The following GRIK3 variants were observed in gnomAD, a reference collection of about 807,000 sequenced individuals.
GRIK3 encodes glutamate receptor ionotropic, kainate 3.
Under a neutral mutation model 102.5 loss-of-function variants are expected in GRIK3, and 29 were observed. The ratio of observed to expected loss-of-function variants is 0.28; its 90% CI spans 0.21 to 0.39. The LOEUF (loss-of-function observed/expected upper bound fraction) is 0.39. GRIK3 is among the 10% of genes least tolerant of loss of function. The probability of loss-of-function intolerance (pLI) is 1.00; values close to 1 mark genes in which losing one functional copy is unlikely to be tolerated. For missense variants in GRIK3, 908 were observed against 1,252.4 expected, an observed-to-expected ratio of 0.73 and a Z score of 4.15; for synonymous variants, 511 against 504.9, an observed-to-expected ratio of 1.01 and a Z score of -0.16.
intron 1 of GRIK3, among the ~76,000 whole-genome samples, chr1:37,023,063 T>C (rs1642731918): frequency 6.6e-6 from 1 of 152,134 alleles, no homozygotes; most frequent in Non-Finnish European, 1.5e-5. Context: ...GTGCAGTGGC[T>C]CACGTCTGTA....
intron 1 of GRIK3, among the ~76,000 whole-genome samples, chr1:36,993,795 C>T (rs1309377648): frequency 6.6e-6 from 1 of 152,190 alleles, no homozygotes; most frequent in Admixed American, 6.5e-5. Flanking sequence ...TGGCCCATAT[C>T]GAATAACTGA....
intron 1 of GRIK3, among the ~76,000 whole-genome samples, chr1:37,008,173 A>G (rs915122193): frequency 6.6e-6 from 1 of 152,214 alleles, no homozygotes; most frequent in African/African-American, 2.4e-5. Context: ...TCTCGCAGGA[A>G]AAGCAGAGGC....
intron 1 of GRIK3, among the ~76,000 whole-genome samples, chr1:37,011,506 C>T (rs1017402602): frequency 1.3e-5 from 2 of 152,156 alleles, no homozygotes; most frequent in African/African-American, 4.8e-5. Flanking sequence ...AACTCAAGCA[C>T]AGAGAGGTTA....
chr1:36,903,608 T>C (rs1641254365), intron 1 of GRIK3, among the ~76,000 whole-genome samples: 1 of 152,130 alleles, frequency 6.6e-6, no homozygotes, highest in African/African-American at 2.4e-5. Flanking sequence ...ACTGGCTACA[T>C]CCAGACAATG....
chr1:36,861,189 G>C (rs1195897025), intron 5 of GRIK3, among the ~76,000 whole-genome samples: 2 of 152,194 alleles, frequency 1.3e-5, no homozygotes, highest in African/African-American at 4.8e-5. Context: ...TCCCTCGTTA[G>C]TGAGTTGAAT....
chr1:36,952,204 A>G (rs1368543626), intron 1 of GRIK3, among the ~76,000 whole-genome samples: 1 of 152,196 alleles, frequency 6.6e-6, no homozygotes, highest in Non-Finnish European at 1.5e-5. Context: ...CTCATCCCTC[A>G]AAACCCTACT....
At chr1:36,930,124 T>G (rs1204455486) in intron 1 of GRIK3, among the ~76,000 whole-genome samples, 1 of 152,254 alleles carries the variant, frequency 6.6e-6, no homozygotes, top group Non-Finnish European at 1.5e-5. Context: ...TCCCATTATA[T>G]TTTATTGGTC....
chr1:36,975,340 G>C (rs1008665206), intron 1 of GRIK3, among the ~76,000 whole-genome samples: 2 of 133,724 alleles, frequency 1.5e-5, no homozygotes, highest in South Asian at 2.3e-4. Context: ...GCCCAGGCTC[G>C]AGTTAGTGCA....
chr1:36,884,588 C>T (rs530885204), intron 2 of GRIK3, among the ~76,000 whole-genome samples: 6 of 152,290 alleles, frequency 3.9e-5, no homozygotes, highest in Admixed American at 3.3e-4. Context: ...AGGGCTTGCC[C>T]AAGCCTGAGG....
intron 1 of GRIK3, among the ~76,000 whole-genome samples, chr1:36,970,699 A>T (rs1209075797): frequency 6.6e-6 from 1 of 151,700 alleles, no homozygotes; most frequent in South Asian, 2.1e-4. Context: ...TCCCCAGCCC[A>T]CTCCACTGTA....
In GRIK3 at chr1:36,806,106, A is replaced by G; in HGVS notation, c.2312T>C (p.Met771Thr). The change falls in exon 14 of 16, where the codon ATG becomes ACG. Residue 771 changes from methionine to threonine, a missense_variant and splice_region_variant. Met to Thr is a moderately conservative substitution (Grantham distance 81). Transcript: ENST00000373091. This position sits in a 1 kb window ranked among gnomAD's most constrained non-coding sequence, Gnocchi z 4.0. Reference sequence around the variant, plus strand: ...CCCACAGGCAGCCCCTCGCTCACCCATGGGCGTGCCGATGCCGTAGCCCTT... The same window carrying G: ...CCCACAGGCAGCCCCTCGCTCACCCGTGGGCGTGCCGATGCCGTAGCCCTT... The part of the protein sequence containing the change: ...DSKGYGIGTP[M>T]GSPYRDKITI... The G allele has an allele frequency of 1.2e-6, 2 of 1,609,568 alleles. No homozygotes were observed.
At chr1:36,922,830 C>T (rs1166944339) in intron 1 of GRIK3, among the ~76,000 whole-genome samples, 1 of 152,176 alleles carries the variant, frequency 6.6e-6, no homozygotes, top group African/African-American at 2.4e-5. Context: ...CCCTAAACCC[C>T]TGAGCAGGGA....
chr1:36,915,536 T>A (rs1027187544), intron 1 of GRIK3, among the ~76,000 whole-genome samples: 2 of 152,154 alleles, frequency 1.3e-5, no homozygotes, highest in African/African-American at 4.8e-5. Context: ...GGGAGGGATA[T>A]GGTTTGGATG....
intron 1 of GRIK3, among the ~76,000 whole-genome samples, chr1:36,982,729 G>GCGAC (rs1170549904): frequency 4.6e-5 from 7 of 151,868 alleles, no homozygotes; most frequent in Non-Finnish European, 1.0e-4. Context: ...GGGCAGCCCA[G>GCGAC]CGACCGGGGT....
chr1:36,904,843 C>T (rs1205601829), intron 1 of GRIK3, among the ~76,000 whole-genome samples: 3 of 152,196 alleles, frequency 2.0e-5, no homozygotes, highest in African/African-American at 4.8e-5. Flanking sequence ...TTACGCTACT[C>T]TCTCTGTGTG....
intron 1 of GRIK3, among the ~76,000 whole-genome samples, chr1:37,010,782 C>T (rs957934297): frequency 1.1e-4 from 16 of 145,006 alleles, no homozygotes; most frequent in South Asian, 2.2e-4. Context: ...TCACCCAGGC[C>T]GGACTGCGGA....
At chr1:36,993,616 G>A (rs1642385370) in intron 1 of GRIK3, among the ~76,000 whole-genome samples, 2 of 152,236 alleles carry the variant, frequency 1.3e-5, no homozygotes, top group African/African-American at 4.8e-5. Context: ...ATGTGAGGCT[G>A]GCAAGGTATA....
chr1:36,951,048 A>T (rs1206389605), intron 1 of GRIK3, among the ~76,000 whole-genome samples: 2 of 152,254 alleles, frequency 1.3e-5, no homozygotes, highest in Non-Finnish European at 2.9e-5. Context: ...TTCCCAGAGC[A>T]GGGCCCAGGA....
At chr1:36,918,644 G>A (rs192130432) in intron 1 of GRIK3, among the ~76,000 whole-genome samples, 2 of 152,252 alleles carry the variant, frequency 1.3e-5, no homozygotes, top group Admixed American at 6.5e-5. Context: ...GCAGCCAGGT[G>A]TGTCCAGCTG....
Sources: allele counts gnomAD v4.1 joint callset (sites outside exome capture counted in the v4.1 genomes callset), GRCh38; gene constraint gnomAD v4.1.1; non-coding constraint Gnocchi (gnomAD v3.1); transcripts MANE v1.5; gene names NCBI Gene and HGNC (gene_info 2026-07-23, HGNC 2026-07-21).